The following TENM4 variants were observed in gnomAD, a reference collection of about 807,000 sequenced individuals.
TENM4 encodes teneurin-4.
Under a neutral mutation model 243.3 loss-of-function variants are expected in TENM4, and 82 were observed. The observed-to-expected ratio is 0.34, with a 90% CI of 0.28 to 0.40. The LOEUF is 0.40. TENM4 is among the 10% of genes least tolerant of loss of function. The pLI is 1.00. For synonymous variants in TENM4, 1,412 were observed against 1,456.3 expected, an observed-to-expected ratio of 0.97 and a Z score of 0.69; for missense variants, 3,138 against 3,673.3, an observed-to-expected ratio of 0.85 and a Z score of 3.77.
At chr11:79,411,443 C>A (rs151228087) in intron 1 of TENM4, among the ~76,000 whole-genome samples, 1 of 152,290 alleles carries the variant, frequency 6.6e-6, no homozygotes, top group East Asian at 1.9e-4. Context: ...ATGATAGAAG[C>A]GATTTGCTCT....
chr11:79,150,151 A>G (rs1418490751), intron 3 of TENM4, among the ~76,000 whole-genome samples: 1 of 152,078 alleles, frequency 6.6e-6, no homozygotes, highest in Non-Finnish European at 1.5e-5. Context: ...CCTTCTTATC[A>G]TCTTTCAAAT....
rs999391119 is a variant in TENM4, at chr11:78,745,742, G to A, written c.2757-7172C>T. 3.3e-5 allele frequency among the ~76,000 whole-genome samples: 5 copies of A among 152,106 alleles called. No homozygotes were observed. The East Asian group carries it at 9.6e-4, about 29-fold the overall frequency. On this transcript the variant is annotated intron_variant, in intron 19 of 33. Coordinates refer to ENST00000278550, the MANE Select transcript of TENM4 (RefSeq NM_001098816.3). ...CTAAAATTTTCTTCCTGTTCTCATG[G>A]CCCACCTTCGGTATCTACCTTGGGA...
chr11:78,859,060 A>G (rs556456264), intron 10 of TENM4, among the ~76,000 whole-genome samples: 2 of 152,288 alleles, frequency 1.3e-5, no homozygotes, highest in South Asian at 4.2e-4. Context: ...AAACACTACA[A>G]AGACATTCTC....
At chr11:79,291,339 A>G (rs1856353299) in intron 2 of TENM4, among the ~76,000 whole-genome samples, 1 of 152,212 alleles carries the variant, frequency 6.6e-6, no homozygotes, top group African/African-American at 2.4e-5. Flanking sequence ...TCCTCTGTCC[A>G]AAGAAGGTTT....
rs140599127 is a variant in TENM4 at position 79,051,645 on chromosome 11, G to A, written c.493+13093C>T. On this transcript the variant is annotated intron_variant, in intron 6 of 33. Coordinates refer to ENST00000278550, the MANE Select transcript of TENM4 (RefSeq NM_001098816.3). ...CTTGAATTTCATCAGCTCTAAAATG[G>A]GAATAACAACCCCTGTTTTTCTTCT... Among the ~76,000 whole-genome samples, 37 of 152,212 alleles carry A rather than the reference G, an allele frequency of 2.4e-4. No individual in the cohort carries two copies. The East Asian group carries it at 6.8e-3, about 28-fold the overall frequency.
chr11:79,388,905 C>T (rs1161461321), intron 1 of TENM4, among the ~76,000 whole-genome samples: 1 of 152,094 alleles, frequency 6.6e-6, no homozygotes, highest in Non-Finnish European at 1.5e-5. Context: ...GTGTGCATTC[C>T]CAGAGGGAAC....
intron 3 of TENM4, among the ~76,000 whole-genome samples, chr11:79,208,638 T>C (rs1863895621): frequency 6.6e-6 from 1 of 152,210 alleles, no homozygotes; most frequent in Non-Finnish European, 1.5e-5. Flanking sequence ...ATTGACCCTC[T>C]CTGAGGCTCT....
chr11:79,123,234 C>T (rs1861781596), intron 4 of TENM4, among the ~76,000 whole-genome samples: 1 of 152,322 alleles, frequency 6.6e-6, no homozygotes, highest in East Asian at 1.9e-4. Flanking sequence ...TATATTAACA[C>T]ATTTAATCCT....
chr11:79,178,993 G>T (rs954339920), intron 3 of TENM4, among the ~76,000 whole-genome samples: 1 of 152,198 alleles, frequency 6.6e-6, no homozygotes, highest in Non-Finnish European at 1.5e-5. Context: ...AGTGAGGGCT[G>T]CCCTTATTTA....
intron 29 of TENM4, among the ~76,000 whole-genome samples, chr11:78,683,580 G>GAACT (rs1858575557): frequency 7.5e-6 from 1 of 134,072 alleles, no homozygotes; most frequent in African/African-American, 2.9e-5. Context: ...CTCGGAAAGG[G>GAACT]AACTCCCTGA....
intron 2 of TENM4, among the ~76,000 whole-genome samples, chr11:79,286,817 C>G (rs1341017528): frequency 6.6e-6 from 1 of 152,150 alleles, no homozygotes; most frequent in Non-Finnish European, 1.5e-5. Flanking sequence ...TATGGAGCAT[C>G]TATTACATAA....
chr11:78,857,431 C>G (rs1317904959), intron 10 of TENM4, among the ~76,000 whole-genome samples: 1 of 152,150 alleles, frequency 6.6e-6, no homozygotes, highest in South Asian at 2.1e-4. Context: ...ACATTTGATG[C>G]TGAAATGAAG....
At chr11:78,845,774 G>GA (rs35342651) in intron 12 of TENM4, among the ~76,000 whole-genome samples, 18 of 146,260 alleles carry the variant, frequency 1.2e-4, no homozygotes, top group Non-Finnish European at 2.0e-4. Context: ...GCGACTGACA[G>GA]AAAAAAAAAA....
At chr11:78,819,558 G>A (rs778984999) in intron 12 of TENM4, among the ~76,000 whole-genome samples, 1 of 152,178 alleles carries the variant, frequency 6.6e-6, no homozygotes, top group Non-Finnish European at 1.5e-5. Flanking sequence ...GGGCATACCT[G>A]CCTCTTGCCT....
chr11:78,974,835 C>T (rs1356267632), intron 6 of TENM4, among the ~76,000 whole-genome samples: 1 of 151,552 alleles, frequency 6.6e-6, no homozygotes, highest in Admixed American at 6.6e-5. Context: ...TATAGGCATG[C>T]CACCATGCCT....
At chr11:79,193,957 C>T (rs1306259561) in intron 3 of TENM4, among the ~76,000 whole-genome samples, 1 of 152,044 alleles carries the variant, frequency 6.6e-6, no homozygotes, top group Non-Finnish European at 1.5e-5. Context: ...GGCTGTGTCT[C>T]CACCCAAATC....
intron 6 of TENM4, among the ~76,000 whole-genome samples, chr11:78,992,395 C>A (rs569491723): frequency 6.6e-6 from 1 of 152,232 alleles, no homozygotes; most frequent in Non-Finnish European, 1.5e-5. Context: ...CCTAGTATTG[C>A]CTTCTCTCTT....
At chr11:79,017,873 T>C (rs1449646052) in intron 6 of TENM4, among the ~76,000 whole-genome samples, 2 of 152,208 alleles carry the variant, frequency 1.3e-5, no homozygotes, top group East Asian at 3.9e-4. Flanking sequence ...AATGCTCTAC[T>C]GTCACTGTCT....
At chr11:78,748,539 A>G (rs1232940727) in intron 19 of TENM4, among the ~76,000 whole-genome samples, 1 of 152,212 alleles carries the variant, frequency 6.6e-6, no homozygotes, top group Non-Finnish European at 1.5e-5. Flanking sequence ...TGAACTGAAG[A>G]TGCTGAGCAG....
Sources: gnomAD v4.1 joint callset for allele counts (sites outside exome capture counted in the v4.1 genomes callset) on GRCh38, gnomAD v4.1.1 for gene constraint, MANE v1.5 for transcripts, NCBI Gene and HGNC (gene_info 2026-07-23, HGNC 2026-07-21) for gene names.